SH3D19: variants seen among roughly 807,000 people sequenced by gnomAD.
SH3D19 encodes SH3 domain-containing protein 19.
SH3D19 carries 58 observed loss-of-function variants against 112.1 expected under a neutral mutation model. The observed-to-expected ratio is 0.52, with a 90% CI of 0.42 to 0.64. The LOEUF (loss-of-function observed/expected upper bound fraction) is 0.64, where lower values mean the gene tolerates loss of function less well. Ranked by LOEUF, SH3D19 falls within the 30% of genes least tolerant of loss-of-function variation. The pLI is 0.00. For synonymous variants in SH3D19, 391 were observed against 448.5 expected, an observed-to-expected ratio of 0.87 and a Z score of 1.62; for missense variants, 1,090 against 1,263.4, an observed-to-expected ratio of 0.86 and a Z score of 2.08.
chr4:151,250,728 A>G (rs888372740), intron 1 of SH3D19, among the ~76,000 whole-genome samples: 1 of 152,222 alleles, frequency 6.6e-6, no homozygotes, highest in East Asian at 1.9e-4. Flanking sequence ...AATAACAGCT[A>G]TTAATTCTCA....
intron 2 of SH3D19, among the ~76,000 whole-genome samples, chr4:151,221,590 C>A (rs1768055113): frequency 6.6e-6 from 1 of 152,180 alleles, no homozygotes; most frequent in Non-Finnish European, 1.5e-5. Flanking sequence ...CAGGTTCTTC[C>A]CGATTTGTAA....
chr4:151,317,032 A>G (rs1730056092), intron 1 of SH3D19, among the ~76,000 whole-genome samples: 1 of 152,250 alleles, frequency 6.6e-6, no homozygotes, highest in Non-Finnish European at 1.5e-5. Flanking sequence ...GAAGGGGAAC[A>G]CTGCCACATT....
intron 1 of SH3D19, chr4:151,291,318 C>A: frequency 6.2e-7 from 1 of 1,613,982 alleles, no homozygotes; most frequent in Non-Finnish European, 8.5e-7. Flanking sequence ...TTGTCCTACT[C>A]TCTCTGGCTC....
At chr4:151,296,966 T>C (rs1164747544) in intron 1 of SH3D19, among the ~76,000 whole-genome samples, 1 of 152,208 alleles carries the variant, frequency 6.6e-6, no homozygotes, top group African/African-American at 2.4e-5. Context: ...AAAGCTATAT[T>C]TTGATATTAT....
At chr4:151,305,261 A>G (rs941466377) in intron 1 of SH3D19, among the ~76,000 whole-genome samples, 1 of 152,238 alleles carries the variant, frequency 6.6e-6, no homozygotes, top group African/African-American at 2.4e-5. Flanking sequence ...CAGAAAAAAA[A>G]GTAATCAATA....
intron 1 of SH3D19, chr4:151,280,024 T>C: frequency 1.0e-6 from 1 of 971,150 alleles, no homozygotes; most frequent in Non-Finnish European, 1.4e-6. Flanking sequence ...ACTTCATGAA[T>C]GAACCAAAAG....
intron 1 of SH3D19, chr4:151,282,447 T>C (rs1774343587): frequency 1.2e-6 from 2 of 1,608,772 alleles, no homozygotes; most frequent in East Asian, 4.5e-5. Context: ...TTGTTTCATA[T>C]GTCATCCTCT....
chr4:151,155,450 T>C (rs567489603), intron 9 of SH3D19, among the ~76,000 whole-genome samples: 1 of 152,354 alleles, frequency 6.6e-6, no homozygotes, highest in South Asian at 2.1e-4. Flanking sequence ...GATGATTAGG[T>C]GGGCTTGCCT....
At chr4:151,303,740 T>C (rs1422248039) in intron 1 of SH3D19, among the ~76,000 whole-genome samples, 1 of 152,118 alleles carries the variant, frequency 6.6e-6, no homozygotes, top group Non-Finnish European at 1.5e-5. Flanking sequence ...TTTTGAAAAG[T>C]AACAAAGGGG....
At chr4:151,291,516 T>C in intron 1 of SH3D19, 4 of 1,246,724 alleles carry the variant, frequency 3.2e-6, no homozygotes, top group Non-Finnish European at 4.4e-6. Flanking sequence ...GATTTTGTTT[T>C]TAAGGTTTTT....
At chr4:151,150,206 A>AAATATAT (rs1273707426) in intron 9 of SH3D19, among the ~76,000 whole-genome samples, 2 of 46,172 alleles carry the variant, frequency 4.3e-5, no homozygotes, top group African/African-American at 1.4e-4. Flanking sequence ...AAAAAAAAAA[A>AAATATAT]ATATATATAT....
chr4:151,214,009 C>T (rs914772745), intron 2 of SH3D19, among the ~76,000 whole-genome samples: 13 of 150,032 alleles, frequency 8.7e-5, no homozygotes, highest in African/African-American at 3.2e-4. Context: ...GCAGAGGACC[C>T]TGAGGCCTTC....
intron 3 of SH3D19, among the ~76,000 whole-genome samples, chr4:151,182,409 C>T (rs1016990456): frequency 4.4e-4 from 67 of 152,108 alleles, no homozygotes; most frequent in African/African-American, 1.5e-3. Context: ...ATTCAGTAGT[C>T]GATCTACATT....
At chr4:151,230,597 CTT>C (rs201617546) in intron 1 of SH3D19, among the ~76,000 whole-genome samples, 53 of 136,762 alleles carry the variant, frequency 3.9e-4, no homozygotes, top group Admixed American at 5.2e-4. Context: ...TAAAGTGAGT[CTT>C]TTTTTTTTTT....
chr4:151,146,787 G>A (rs928190059), intron 11 of SH3D19, among the ~76,000 whole-genome samples: 2 of 152,136 alleles, frequency 1.3e-5, no homozygotes, highest in Non-Finnish European at 2.9e-5. Flanking sequence ...ACCCGCCTCG[G>A]CCTCCCAAAG....
chr4:151,287,735 A>G (rs1774951974), intron 1 of SH3D19, among the ~76,000 whole-genome samples: 1 of 152,194 alleles, frequency 6.6e-6, no homozygotes, highest in Non-Finnish European at 1.5e-5. Context: ...TTTCTACAAA[A>G]TATTTTAAAT....
chr4:151,285,804 A>T (rs1452376241), intron 1 of SH3D19, among the ~76,000 whole-genome samples: 2 of 151,928 alleles, frequency 1.3e-5, no homozygotes, highest in Admixed American at 6.6e-5. Context: ...AAGTTCACAT[A>T]TGTAGTGAGC....
At chr4:151,314,073 T>C (rs1729758748) in intron 1 of SH3D19, among the ~76,000 whole-genome samples, 1 of 152,194 alleles carries the variant, frequency 6.6e-6, no homozygotes, top group African/African-American at 2.4e-5. Flanking sequence ...TTAACGTATC[T>C]TCTGGAAACA....
chr4:151,251,061 G>A (rs1771340567), intron 1 of SH3D19, among the ~76,000 whole-genome samples: 2 of 152,106 alleles, frequency 1.3e-5, no homozygotes, highest in Non-Finnish European at 2.9e-5. Flanking sequence ...AGGATTAAAT[G>A]ATTTTTCACC....
Sources: allele counts gnomAD v4.1 joint callset (sites outside exome capture counted in the v4.1 genomes callset), GRCh38; gene constraint gnomAD v4.1.1; transcripts MANE v1.5; gene names NCBI Gene and HGNC (gene_info 2026-07-23, HGNC 2026-07-21).